Variants in TUFT1 observed in about 807,000 individuals in gnomAD.
The protein encoded by TUFT1 is tuftelin.
A neutral mutation model predicts 57.8 loss-of-function variants in TUFT1; 43 were observed. That is an observed-to-expected ratio of 0.74 (90% confidence interval 0.58 to 0.96). The LOEUF (loss-of-function observed/expected upper bound fraction) is 0.96. TUFT1 is among the 40% of genes least tolerant of loss of function. TUFT1 has a pLI of 0.00. For missense variants in TUFT1, 459 were observed against 489.0 expected (o/e 0.94, Z 0.58); for synonymous variants, 166 against 176.7 (o/e 0.94, Z 0.48).
intron 1 of TUFT1, among the ~76,000 whole-genome samples, chr1:151,545,464 C>T (rs1040956532): frequency 4.6e-5 from 7 of 152,184 alleles, no homozygotes; most frequent in Non-Finnish European, 7.3e-5. Flanking sequence ...AATAATTGCA[C>T]CCTTCTCATA....
intron 1 of TUFT1, among the ~76,000 whole-genome samples, chr1:151,553,213 T>C: frequency 6.6e-6 from 1 of 152,146 alleles, no homozygotes. Context: ...TGCCTCAGCC[T>C]CCTGAGTAGC....
intron 1 of TUFT1, among the ~76,000 whole-genome samples, chr1:151,543,274 G>A (rs1665224499): frequency 6.6e-6 from 1 of 152,050 alleles, no homozygotes; most frequent in African/African-American, 2.4e-5. Flanking sequence ...CACTCTTAGA[G>A]TGTTAGTGAG....
intron 11 of TUFT1, among the ~76,000 whole-genome samples, 197 bp downstream of exon 11, chr1:151,579,929 G>T (rs964488012): frequency 2.6e-5 from 4 of 152,192 alleles, no homozygotes; most frequent in African/African-American, 9.7e-5. Flanking sequence ...TAACAATGAT[G>T]AGATGACCAC....
intron 7 of TUFT1, among the ~76,000 whole-genome samples, chr1:151,573,913 G>T (rs1666354607): frequency 6.6e-6 from 1 of 152,142 alleles, no homozygotes; most frequent in Non-Finnish European, 1.5e-5. Context: ...GGGATTATTT[G>T]CTTTTGAATT....
In TUFT1 at chr1:151,582,297, G is replaced by A; in HGVS notation, c.*590G>A. On this transcript the variant is annotated 3_prime_UTR_variant, in exon 13 of 13. Transcript: ENST00000368849. ...AGTGAACCTAAGCTTTGACTGGGTGGCCTTGTCTTTCTGGGGAGGAGGGAA... is the reference window on the plus strand; with the variant it reads ...AGTGAACCTAAGCTTTGACTGGGTGACCTTGTCTTTCTGGGGAGGAGGGAA... 1 of 442,938 alleles carries A rather than the reference G, an allele frequency of 2.3e-6. No individual in the cohort carries two copies. Among genetic ancestry groups the A allele is most frequent in the South Asian group, 1.6e-5 (1 of 63,312 alleles). 27.4% of individuals were successfully genotyped at this position (442,938 alleles called of 1,614,324 possible).
At chr1:151,563,333 A>T (rs559346858) in intron 3 of TUFT1, among the ~76,000 whole-genome samples, 1 of 152,298 alleles carries the variant, frequency 6.6e-6, no homozygotes, top group East Asian at 1.9e-4. Context: ...CTGCATAACA[A>T]CGTTTTGGTC....
intron 1 of TUFT1, among the ~76,000 whole-genome samples, chr1:151,554,695 C>CTTTTTT (rs771656418): frequency 7.0e-5 from 6 of 85,676 alleles, no homozygotes; most frequent in Non-Finnish European, 1.3e-4. Context: ...GCCCGGCCCC[C>CTTTTTT]TTTTTTTTTT....
In TUFT1 at chr1:151,540,708, C is replaced by CCG. The variant is rs537839830; in HGVS notation, c.60+285_60+286dup. 676 of 480,232 alleles carry CCG rather than the reference C, an allele frequency of 1.4e-3. 4 individuals are homozygous for CCG. Among genetic ancestry groups the CCG allele is most frequent in the African/African-American group, 0.013 (636 of 50,786 alleles). 29.7% of individuals were successfully genotyped at this position (480,232 alleles called of 1,614,324 possible). A position where few individuals can be genotyped will look rare whatever the true frequency, so the allele number is the denominator to read the frequency against. On this transcript the variant is annotated intron_variant, in intron 1 of 12. Coordinates refer to ENST00000368849, the MANE Select transcript of TUFT1 (RefSeq NM_020127.3). ...CGGCGCCGGCGAGCCCGTGCTTGGGCCGCGGGTCTCAGGCGTCTTTTGGGC... is the reference window on the plus strand; with the variant it reads ...CGGCGCCGGCGAGCCCGTGCTTGGGCCGCGCGGGTCTCAGGCGTCTTTTGGGC...
Position 151,564,587 on chromosome 1 carries a change from A to G in TUFT1, c.387A>G (p.Gly129=), listed in dbSNP as rs780183694. 26 of 1,614,018 alleles carry G rather than the reference A, an allele frequency of 1.6e-5. No homozygotes were observed. Residue 129 remains glycine (G), a synonymous_variant, in exon 5 of 13, where the codon GGA becomes GGG. Transcript: ENST00000368849. ...DISSKLDRNL[G]DSLHRQEIQV... ...GTAGCAAGCTTGACAGGAACCTAGGAGATTCTCTCCATCGACAGGAGATAC... is the reference window on the plus strand; with the variant it reads ...GTAGCAAGCTTGACAGGAACCTAGGGGATTCTCTCCATCGACAGGAGATAC...
chr1:151,564,042 A>C, intron 4 of TUFT1, 52 bp downstream of exon 4: 4,872 of 1,391,196 alleles, frequency 3.5e-3, no homozygotes, highest in Non-Finnish European at 4.4e-3. Context: ...TCTAAATCTC[A>C]CATTTTTTGT....
rs550951295 is a variant in TUFT1 at position 151,565,910 on chromosome 1, C to G, written c.415-253C>G. 203 of 404,934 alleles carry G rather than the reference C, an allele frequency of 5.0e-4. 1 individual carries two copies. In the Middle Eastern group the frequency reaches 0.012, roughly 24 times the overall value. 25.1% of individuals were successfully genotyped at this position (404,934 alleles called of 1,614,324 possible). On this transcript the variant is annotated intron_variant, in intron 5 of 12. Coordinates refer to ENST00000368849, the MANE Select transcript of TUFT1 (RefSeq NM_020127.3). ...AGGCCGCATAACATCTCTCCACCCC[C>G]TCTTGTTTCTATTTTCTCATGGAAC... is the stretch of plus-strand genomic sequence containing the variant.
chr1:151,543,331 G>GTGTA (rs756972124), intron 1 of TUFT1, among the ~76,000 whole-genome samples: 1 of 123,578 alleles, frequency 8.1e-6, no homozygotes, highest in Non-Finnish European at 1.8e-5. Flanking sequence ...ATATATATGT[G>GTGTA]TGTGTGTGTG....
At chr1:151,552,805 A>C (rs1665553608) in intron 1 of TUFT1, among the ~76,000 whole-genome samples, 1 of 151,450 alleles carries the variant, frequency 6.6e-6, no homozygotes. Context: ...AAATATACAG[A>C]GGAAAACGTC....
At chr1:151,569,612 C>A in intron 6 of TUFT1, 45 bp from the exon 7 acceptor site, 2 of 1,543,826 alleles carry the variant, frequency 1.3e-6, no homozygotes, top group South Asian at 2.2e-5. Flanking sequence ...CTTACTGAGT[C>A]AGAAACTTGA....
chr1:151,560,418 A>G (rs754851738), intron 1 of TUFT1, among the ~76,000 whole-genome samples: 2 of 151,924 alleles, frequency 1.3e-5, no homozygotes, highest in Non-Finnish European at 2.9e-5. Flanking sequence ...CTCCATCTCA[A>G]ACAAACAAAA....
intron 1 of TUFT1, among the ~76,000 whole-genome samples, chr1:151,553,786 G>T (rs1485530417): frequency 6.6e-6 from 1 of 152,124 alleles, no homozygotes; most frequent in Non-Finnish European, 1.5e-5. Context: ...GTCTCAGAGT[G>T]TCGGTTGTTC....
At position 151,563,994 on chromosome 1, in the gene TUFT1, G is replaced by A. The variant is rs1665982735; in HGVS notation, c.324+4G>A. On this transcript the variant is annotated splice_donor_region_variant and intron_variant, in intron 4 of 12. Transcript: ENST00000368849. ...TGAGGTCCAGTACATCCAGGAGGTG[G>A]GCACCCCTTACCTCTCACGCAGTGC... is the stretch of plus-strand genomic sequence containing the variant. 2 of 1,612,676 alleles carry A rather than the reference G, an allele frequency of 1.2e-6. No homozygotes were observed. The highest frequency in any genetic ancestry group is 1.3e-5 in the African/African-American group (1 of 74,854).
At chr1:151,576,743 C>G (rs891744527) in intron 9 of TUFT1, among the ~76,000 whole-genome samples, 2 of 152,212 alleles carry the variant, frequency 1.3e-5, no homozygotes, top group Admixed American at 1.3e-4. Flanking sequence ...GCCTCAGCCT[C>G]CCAGGAGGTA....
chr1:151,543,865 G>T (rs1343837432), intron 1 of TUFT1, among the ~76,000 whole-genome samples: 1 of 152,166 alleles, frequency 6.6e-6, no homozygotes, highest in Admixed American at 6.6e-5. Context: ...TCAGTGGAGG[G>T]GAATGGAAGC....
Sources: allele counts gnomAD v4.1 joint callset (sites outside exome capture counted in the v4.1 genomes callset), GRCh38; gene constraint gnomAD v4.1.1; transcripts MANE v1.5; gene names NCBI Gene and HGNC (gene_info 2026-07-23, HGNC 2026-07-21).